Variants in TLK1 observed in about 807,000 individuals in gnomAD.
TLK1 encodes the protein serine/threonine-protein kinase tousled-like 1.
Under a neutral mutation model 105.3 loss-of-function variants are expected in TLK1, and 24 were observed. That is an observed-to-expected ratio of 0.23 (90% confidence interval 0.17 to 0.32). The LOEUF (loss-of-function observed/expected upper bound fraction) is 0.32. Among genes scored for constraint, TLK1 ranks in the 10% least tolerant of loss-of-function variants. The pLI is 1.00. For missense variants in TLK1, 558 were observed against 910.5 expected (o/e 0.61, Z 4.98); for synonymous variants, 321 against 310.4 (o/e 1.03, Z -0.36).
intron 2 of TLK1, among the ~76,000 whole-genome samples, chr2:171,110,522 G>A (rs919950919): frequency 2.0e-5 from 3 of 152,122 alleles, no homozygotes; most frequent in African/African-American, 7.2e-5. Flanking sequence ...TCATAGAGCA[G>A]AATACTATTT....
chr2:171,009,695 C>T (rs1402567839), intron 14 of TLK1, among the ~76,000 whole-genome samples: 1 of 152,104 alleles, frequency 6.6e-6, no homozygotes, highest in African/African-American at 2.4e-5. Context: ...TGCAACAACC[C>T]TATAATGTAG....
At chr2:171,124,533 C>T (rs563477771) in intron 1 of TLK1, among the ~76,000 whole-genome samples, 68 of 152,316 alleles carry the variant, frequency 4.5e-4, no homozygotes, top group Admixed American at 1.3e-3. Flanking sequence ...GCAGCTGATG[C>T]TAGTTAAGTC....
At chr2:171,113,582 T>G (rs997673909) in intron 2 of TLK1, among the ~76,000 whole-genome samples, 1 of 152,124 alleles carries the variant, frequency 6.6e-6, no homozygotes, top group African/African-American at 2.4e-5. Context: ...CCACATATAC[T>G]TATCATATAT....
At chr2:171,174,584 A>T (rs1692786614) in intron 1 of TLK1, among the ~76,000 whole-genome samples, 1 of 151,908 alleles carries the variant, frequency 6.6e-6, no homozygotes, top group Admixed American at 6.6e-5. Flanking sequence ...ATCACTTATC[A>T]CTTTGTTTTA....
intron 11 of TLK1, among the ~76,000 whole-genome samples, chr2:171,041,425 C>G (rs1304298752): frequency 6.6e-6 from 1 of 152,172 alleles, no homozygotes; most frequent in African/African-American, 2.4e-5. Context: ...ATCTGGATTC[C>G]CCACCCCTGG....
chr2:171,178,290 G>T, intron 1 of TLK1, among the ~76,000 whole-genome samples: 1 of 152,162 alleles, frequency 6.6e-6, no homozygotes, highest in East Asian at 1.9e-4. Flanking sequence ...GAAGAAACCA[G>T]GATTGGAACC....
chr2:171,041,987 T>C (rs1019172225), intron 11 of TLK1, among the ~76,000 whole-genome samples: 2 of 152,240 alleles, frequency 1.3e-5, no homozygotes, highest in African/African-American at 4.8e-5. Context: ...AGTGCTTCTG[T>C]GGCCTTTTGC....
chr2:171,079,735 G>C (rs1431190928), intron 3 of TLK1, among the ~76,000 whole-genome samples: 20 of 152,096 alleles, frequency 1.3e-4, no homozygotes. Flanking sequence ...AATTTCACTT[G>C]AAGTAGATTA....
chr2:171,136,969 G>C (rs1691351853), intron 1 of TLK1, among the ~76,000 whole-genome samples: 1 of 152,204 alleles, frequency 6.6e-6, no homozygotes. Context: ...TTAGCATATT[G>C]TCTATGGCTG....
rs1458519086 is a variant in TLK1, at chr2:170,996,743, T to C, written c.2034A>G (p.Gln678=). 1.2e-6 allele frequency: 2 copies of C among 1,610,932 alleles called. No individual in the cohort carries two copies. The highest frequency in any genetic ancestry group is 1.7e-6 in the Non-Finnish European group (2 of 1,178,966). ...TTTCTTGAAGAATGTCTTGTTGAGA[T>C]TGATTGTGACCAAATGGCTTAAAAA... ...LYGRKPFGHN[Q]SQQDILQENT... The change falls in exon 20 of 21, where the codon CAA becomes CAG. Residue 678 remains glutamine, a synonymous_variant. Coordinates refer to ENST00000431350, the MANE Select transcript of TLK1 (RefSeq NM_012290.5).
chr2:171,024,408 G>A lies in TLK1; in HGVS notation c.1236+3931C>T, dbSNP rs142700387. On this transcript the variant is annotated intron_variant, in intron 12 of 20. Transcript: ENST00000431350. The stretch of plus-strand genomic sequence containing the variant: ...CCCAAGGAAGAAAGTATGTGAAAGA[G>A]AATGAAAAAGAATGTGTATGAAAAA... Among the ~76,000 whole-genome samples, 535 of 152,198 alleles carry A rather than the reference G, an allele frequency of 3.5e-3. 6 individuals are homozygous for A. Among genetic ancestry groups the A allele is most frequent in the African/African-American group, 0.012 (492 of 41,542 alleles).
At chr2:171,133,147 C>T (rs1010589348) in intron 1 of TLK1, among the ~76,000 whole-genome samples, 2 of 152,172 alleles carry the variant, frequency 1.3e-5, no homozygotes, top group African/African-American at 4.8e-5. Context: ...TGTTACCTGT[C>T]AAGTACTATA....
At chr2:171,187,460 C>T (rs902996843) in intron 1 of TLK1, among the ~76,000 whole-genome samples, 3 of 152,186 alleles carry the variant, frequency 2.0e-5, no homozygotes, top group Non-Finnish European at 4.4e-5. Flanking sequence ...AAGTCTATGA[C>T]AGTTTCACAA....
intron 1 of TLK1, among the ~76,000 whole-genome samples, chr2:171,212,642 C>T (rs1344124959): frequency 6.7e-6 from 1 of 149,936 alleles, no homozygotes; most frequent in African/African-American, 2.5e-5. Flanking sequence ...CTACCTCTAG[C>T]ATGTAATTTC....
At chr2:171,022,581 A>C (rs906133121) in intron 12 of TLK1, among the ~76,000 whole-genome samples, 2 of 152,210 alleles carry the variant, frequency 1.3e-5, no homozygotes, top group Non-Finnish European at 2.9e-5. Flanking sequence ...TTCTACAGAA[A>C]CATCATGTAC....
Position 170,993,793 on chromosome 2 carries a change from A to G in TLK1, c.2288T>C (p.Ile763Thr). 1.3e-6 allele frequency: 2 copies of G among 1,591,142 alleles called. No homozygotes were observed. Among genetic ancestry groups the G allele is most frequent in the South Asian group, 1.2e-5 (1 of 85,900 alleles). ...CTTGGAGGAAAGTCAGTAAGTAATT[A>G]TGCTTGAAGAAGGGGGTGTAGGGGA... ...TASPTPPSSS[I>T]ITY is the part of the protein sequence containing the mutation. Residue 763 changes from isoleucine to threonine, a missense_variant, in exon 21 of 21, where the codon ATA (isoleucine) becomes ACA (threonine). Physicochemically the swap from Ile to Thr is moderately conservative, Grantham distance 89. Transcript: ENST00000431350.
intron 2 of TLK1, among the ~76,000 whole-genome samples, chr2:171,090,542 C>A (rs897587072): frequency 6.6e-6 from 1 of 152,154 alleles, no homozygotes; most frequent in Admixed American, 6.5e-5. Context: ...AACTACTTAT[C>A]GCCTATGCTA....
At chr2:171,219,864 G>C (rs1693776198) in intron 1 of TLK1, among the ~76,000 whole-genome samples, 1 of 152,194 alleles carries the variant, frequency 6.6e-6, no homozygotes, top group Non-Finnish European at 1.5e-5. Context: ...GCTTCCCAAA[G>C]TGCTGGGATT....
At chr2:171,128,650 G>A (rs1352512027) in intron 1 of TLK1, among the ~76,000 whole-genome samples, 1 of 152,024 alleles carries the variant, frequency 6.6e-6, no homozygotes, top group Non-Finnish European at 1.5e-5. Flanking sequence ...TGCTAATATA[G>A]TAGTAACACA....
Sources: gnomAD v4.1 joint callset for allele counts (sites outside exome capture counted in the v4.1 genomes callset) on GRCh38, gnomAD v4.1.1 for gene constraint, MANE v1.5 for transcripts, NCBI Gene and HGNC (gene_info 2026-07-23, HGNC 2026-07-21) for gene names.